Variants in PALM observed in about 807,000 individuals in gnomAD.
PALM encodes the protein paralemmin-1.
In PALM, 18 loss-of-function variants were observed where a neutral mutation model predicts 30.7. The observed-to-expected ratio is 0.59, with a 90% CI of 0.41 to 0.87. The LOEUF (loss-of-function observed/expected upper bound fraction) is 0.87. Among genes scored for constraint, PALM ranks in the 40% least tolerant of loss-of-function variants. The pLI, the probability that PALM is intolerant of heterozygous loss-of-function variation, is 0.00. For missense variants in PALM, 529 were observed against 555.4 expected, an observed-to-expected ratio of 0.95 and a Z score of 0.48; for synonymous variants, 286 against 242.8, an observed-to-expected ratio of 1.18 and a Z score of -1.66.
At chr19:743,181 C>A (rs947384907) in intron 8 of PALM, among the ~76,000 whole-genome samples, 1 of 152,156 alleles carries the variant, frequency 6.6e-6, no homozygotes, top group African/African-American at 2.4e-5. Flanking sequence ...GAGGGGTCCC[C>A]GCAGCCCAGC....
Position 736,032 on chromosome 19 carries a change from C to T in PALM, c.456C>T (p.Ser152=), listed in dbSNP as rs774184824. 9 of 1,610,346 alleles carry T rather than the reference C, an allele frequency of 5.6e-6. No individual in the cohort carries two copies. Among genetic ancestry groups the T allele is most frequent in the Non-Finnish European group, 7.6e-6 (9 of 1,178,212 alleles). ...PVGTPKDKRV[S]NTPLRTVDGS... ...CCTCCCGTGCAGACAAGCGAGTCTCCAACACGCCCCTGAGGACGGTTGACG... is the reference window on the plus strand; with the variant it reads ...CCTCCCGTGCAGACAAGCGAGTCTCTAACACGCCCCTGAGGACGGTTGACG... Residue 152 remains serine, a synonymous_variant, in exon 7 of 9, where the codon TCC becomes TCT. Coordinates refer to ENST00000338448, the MANE Select transcript of PALM (RefSeq NM_002579.3).
intron 1 of PALM, among the ~76,000 whole-genome samples, chr19:716,600 G>C (rs2032268958): frequency 6.6e-6 from 1 of 152,040 alleles, no homozygotes; most frequent in Admixed American, 6.6e-5. Flanking sequence ...AGAGGCCCAG[G>C]GTTCTTCAGT....
At chr19:731,957 T>C (rs2032892170) in intron 5 of PALM, among the ~76,000 whole-genome samples, 1 of 152,104 alleles carries the variant, frequency 6.6e-6, no homozygotes, top group Non-Finnish European at 1.5e-5. Flanking sequence ...GTCACCTTAC[T>C]TGGCCTGGTT....
chr19:709,662 G>A lies in PALM; in HGVS notation c.5+511G>A, dbSNP rs2144834661. On this transcript the variant is annotated intron_variant, in intron 1 of 8. Coordinates refer to ENST00000338448, the MANE Select transcript of PALM (RefSeq NM_002579.3). The surrounding 1 kb of genome is among the most constrained non-coding windows in gnomAD (Gnocchi z 4.3). ...CCCCGCCCTTCCCAAGGGCCTCCAG[G>A]GGTGTCCTGAGCCCCCCGCCACTGC... is the stretch of plus-strand genomic sequence containing the variant. 1.3e-5 allele frequency among the ~76,000 whole-genome samples: 2 copies of A among 152,186 alleles called. No homozygotes were observed. Among genetic ancestry groups the A allele is most frequent in the East Asian group, 3.9e-4 (2 of 5,146 alleles).
At chr19:720,341 G>T (rs1283134201) in intron 1 of PALM, among the ~76,000 whole-genome samples, 1 of 140,788 alleles carries the variant, frequency 7.1e-6, no homozygotes, top group East Asian at 2.1e-4. Context: ...GGCGCATCCT[G>T]CGTGTCCTGG....
At position 709,026 on chromosome 19, in the gene PALM, G is replaced by T. The variant is rs1381070340; in HGVS notation, c.-121G>T. 1.3e-5 allele frequency: 2 copies of T among 153,440 alleles called. No individual in the cohort carries two copies. The highest frequency in any genetic ancestry group is 1.8e-4 in the South Asian group (1 of 5,506). The allele number at this position is 153,440 out of a possible 1,614,324, so 9.5% of individuals were successfully genotyped here. On this transcript the variant is annotated 5_prime_UTR_variant, in exon 1 of 9. Transcript: ENST00000338448. This position sits in a 1 kb window ranked among gnomAD's most constrained non-coding sequence, Gnocchi z 4.3. ...GCCCCCGCGCCGCGCAGCCCCGGCCGCCAGGCCTTAGCCCGCCCCGGCCCC... is the reference window on the plus strand; with the variant it reads ...GCCCCCGCGCCGCGCAGCCCCGGCCTCCAGGCCTTAGCCCGCCCCGGCCCC...
chr19:727,738 G>C (rs776615452), intron 4 of PALM, 44 bp downstream of exon 4: 10 of 1,491,946 alleles, frequency 6.7e-6, no homozygotes, highest in African/African-American at 5.6e-5. Flanking sequence ...GTGGGGCCTC[G>C]GGGGCCGCTG....
Position 746,135 on chromosome 19 carries a change from G to T in PALM, c.635-150G>T, listed in dbSNP as rs1406593032. On this transcript the variant is annotated intron_variant, in intron 8 of 8. Coordinates refer to ENST00000338448, the MANE Select transcript of PALM (RefSeq NM_002579.3). This position sits in a 1 kb window ranked among gnomAD's most constrained non-coding sequence, Gnocchi z 7.1. ...AACAGGGGGCTTTAATTGTCTGTCA[G>T]TTCTGACGGTGTAATCTAGTTCGTG... The T allele has an allele frequency of 9.6e-6, 6 of 628,018 alleles. No homozygotes were observed. The highest frequency in any genetic ancestry group is 8.3e-5 in the East Asian group (3 of 36,288). 38.9% of individuals were successfully genotyped at this position (628,018 alleles called of 1,614,324 possible). A position where few individuals can be genotyped will look rare whatever the true frequency, so the allele number is the denominator to read the frequency against.
At chr19:713,269 G>C (rs952662025) in intron 1 of PALM, among the ~76,000 whole-genome samples, 1 of 152,026 alleles carries the variant, frequency 6.6e-6, no homozygotes, top group African/African-American at 2.4e-5. Context: ...CGGTGGTCTT[G>C]GCTCCTGGGG....
At chr19:730,985 G>C in intron 4 of PALM, 110 bp from the exon 5 acceptor site, 1 of 702,038 alleles carries the variant, frequency 1.4e-6, no homozygotes, top group Non-Finnish European at 2.3e-6. Flanking sequence ...TGGGCAACAA[G>C]AGCGAGAATC....
Position 746,589 on chromosome 19 carries a change from G to C in PALM, c.939G>C (p.Glu313Asp), listed in dbSNP as rs749278352. Reference sequence around the variant, plus strand: ...ACCAGAACGTGGAGGATGAGGCCGAGACCAAGAAGGTGCTGGGCCTTCAAG... The same window carrying C: ...ACCAGAACGTGGAGGATGAGGCCGACACCAAGAAGGTGCTGGGCCTTCAAG... ...MGYQNVEDEA[E>D]TKKVLGLQDT... The change falls in exon 9 of 9, where the codon GAG becomes GAC. Residue 313 changes from glutamate (E) to aspartate (D), a missense_variant. Transcript: ENST00000338448. The surrounding 1 kb of genome is among the most constrained non-coding windows in gnomAD (Gnocchi z 7.1). The C allele has an allele frequency of 6.2e-7, 1 of 1,613,430 alleles. No homozygotes were observed. The highest frequency in any genetic ancestry group is 8.5e-7 in the Non-Finnish European group (1 of 1,179,908).
intron 4 of PALM, 182 bp downstream of exon 4, chr19:727,876 C>CCCA: frequency 1.6e-6 from 1 of 614,812 alleles, no homozygotes; most frequent in Non-Finnish European, 2.8e-6. Flanking sequence ...TTGGGGCATC[C>CCCA]ACCTGGGTCT....
intron 1 of PALM, among the ~76,000 whole-genome samples, chr19:710,547 C>T (rs1323480098): frequency 6.6e-6 from 1 of 152,166 alleles, no homozygotes; most frequent in Admixed American, 6.5e-5. Flanking sequence ...GATCTCCCTC[C>T]CAGAGGAGGG....
rs957839150 is a variant in PALM, at chr19:737,008, G to A, written c.502+930G>A. Among the ~76,000 whole-genome samples, 12 of 152,336 alleles carry A rather than the reference G, an allele frequency of 7.9e-5. No individual in the cohort carries two copies. The East Asian group carries it at 1.4e-3, about 17-fold the overall frequency. The stretch of plus-strand genomic sequence containing the variant: ...GCGGAGTTTGTAGTGAGCCAAGGTC[G>A]TGCCACTGCACTCCAGCCTGGGCGA... On this transcript the variant is annotated intron_variant, in intron 7 of 8. Transcript: ENST00000338448.
chr19:734,234 T>A (rs2032956461), intron 6 of PALM, 40 bp downstream of exon 6: 2 of 1,603,642 alleles, frequency 1.2e-6, no homozygotes, highest in African/African-American at 1.3e-5. Context: ...CTCGGCGCAC[T>A]CTGGTGGCCA....
intron 8 of PALM, 103 bp downstream of exon 8, chr19:740,586 C>T (rs1014090077): frequency 4.7e-5 from 52 of 1,095,040 alleles, no homozygotes; most frequent in African/African-American, 2.7e-4. Context: ...ATCAGGACCC[C>T]GATTCGATGT....
In PALM at chr19:711,269, G is replaced by C. The variant is rs919762865; in HGVS notation, c.5+2118G>C. On this transcript the variant is annotated intron_variant, in intron 1 of 8. Transcript: ENST00000338448. ...GAGAGAATCTCTGTGCTCTGGGAGGGTTTGTGTGGCCCCTGCGTGACACAT... is the reference window on the plus strand; with the variant it reads ...GAGAGAATCTCTGTGCTCTGGGAGGCTTTGTGTGGCCCCTGCGTGACACAT... 38 of 768,776 alleles carry C rather than the reference G, an allele frequency of 4.9e-5. No homozygotes were observed. In the African/African-American group the frequency reaches 7.2e-4, roughly 15 times the overall value. 47.6% of individuals were successfully genotyped at this position (768,776 alleles called of 1,614,324 possible).
intron 1 of PALM, chr19:719,652 C>G: frequency 1.0e-6 from 1 of 984,994 alleles, no homozygotes; most frequent in Non-Finnish European, 1.2e-6. Flanking sequence ...CTCCTCCGCC[C>G]AGCATGTAAG....
chr19:711,545 A>G (rs982170348), intron 1 of PALM, among the ~76,000 whole-genome samples: 3 of 152,104 alleles, frequency 2.0e-5, no homozygotes, highest in Non-Finnish European at 2.9e-5. Context: ...CCCCCTTTTT[A>G]ATGAGAGGCA....
Sources: gnomAD v4.1 joint callset for allele counts (sites outside exome capture counted in the v4.1 genomes callset) on GRCh38, gnomAD v4.1.1 for gene constraint, Gnocchi (gnomAD v3.1) non-coding constraint, MANE v1.5 for transcripts, NCBI Gene and HGNC (gene_info 2026-07-23, HGNC 2026-07-21) for gene names.